SELENOF: variants seen among roughly 807,000 people sequenced by gnomAD.
The protein encoded by SELENOF is selenoprotein F.
A neutral mutation model predicts 20.5 loss-of-function variants in SELENOF; 16 were observed. The observed-to-expected ratio is 0.78, with a 90% confidence interval of 0.53 to 1.19. The LOEUF (loss-of-function observed/expected upper bound fraction) is 1.19, where lower values mean the gene tolerates loss of function less well. Among genes scored for constraint, SELENOF ranks in the 50% most tolerant of loss-of-function variants. SELENOF has a pLI of 0.00. For missense variants in SELENOF, 215 were observed against 194.2 expected (o/e 1.11, Z -0.64); for synonymous variants, 78 against 74.5 (o/e 1.05, Z -0.24).
chr1:86,886,321 G>A (rs916020064), intron 2 of SELENOF, among the ~76,000 whole-genome samples: 1 of 151,878 alleles, frequency 6.6e-6, no homozygotes, highest in African/African-American at 2.4e-5. Flanking sequence ...ATATTAATAG[G>A]GCAAAAATTG....
intron 3 of SELENOF, among the ~76,000 whole-genome samples, chr1:86,869,087 T>C (rs1658686755): frequency 6.6e-6 from 1 of 152,134 alleles, no homozygotes; most frequent in East Asian, 1.9e-4. Context: ...CAAAGAATAC[T>C]AAAGGTTAGA....
At chr1:86,911,427 C>T (rs1224022529) in intron 1 of SELENOF, among the ~76,000 whole-genome samples, 5 of 152,194 alleles carry the variant, frequency 3.3e-5, no homozygotes, top group Non-Finnish European at 1.5e-5. Context: ...CCTTTCTGCT[C>T]TCCTAATAGA....
Position 86,863,496 on chromosome 1 carries a change from C to T in SELENOF, c.476G>A (p.Ser159Asn). 1 of 1,612,236 alleles carries T rather than the reference C, an allele frequency of 6.2e-7. No individual in the cohort carries two copies. Among genetic ancestry groups the T allele is most frequent in the Non-Finnish European group, 8.5e-7 (1 of 1,179,296 alleles). Residue 159 changes from serine (S) to asparagine (N), a missense_variant, in exon 5 of 5, where the codon AGT (serine) becomes AAT (asparagine). Transcript: ENST00000331835. ...GATTTATATGCGTTCCAACTTTTCA[C>T]TCAGGAATTCTTCTACACTGTCTGT... ...WNTDSVEEFL[S>N]EKLERI
chr1:86,903,288 G>A lies in SELENOF; in HGVS notation c.245C>T (p.Thr82Ile), dbSNP rs769064402. The A allele has an allele frequency of 6.2e-7, 1 of 1,607,538 alleles. No individual in the cohort carries two copies. The highest frequency in any genetic ancestry group is 8.5e-7 in the Non-Finnish European group (1 of 1,177,614). ...GCCQEEAQFE[T>I]KKLYAGAILE... Reference sequence around the variant, plus strand: ...TATACTAGAAAACAGTACCTTTTTGGTTTCAAATTGTGCTTCCTCCTGACA... The same window carrying A: ...TATACTAGAAAACAGTACCTTTTTGATTTCAAATTGTGCTTCCTCCTGACA... Residue 82 changes from threonine (T) to isoleucine (I), a missense_variant, in exon 2 of 5, where the codon ACC becomes ATC. By Grantham distance (89) the Thr-to-Ile change is moderately conservative. Transcript: ENST00000331835.
intron 2 of SELENOF, 141 bp downstream of exon 2, chr1:86,903,140 C>T: frequency 1.5e-6 from 1 of 670,346 alleles, no homozygotes; most frequent in South Asian, 2.2e-5. Context: ...AACTAATAGG[C>T]CAGACAAGAA....
At chr1:86,881,676 A>C (rs926176846) in intron 2 of SELENOF, among the ~76,000 whole-genome samples, 4 of 152,222 alleles carry the variant, frequency 2.6e-5, no homozygotes, top group Non-Finnish European at 5.9e-5. Flanking sequence ...ATGTTTATTT[A>C]AAATAGTTTG....
intron 3 of SELENOF, among the ~76,000 whole-genome samples, chr1:86,876,146 T>C (rs1403094683): frequency 6.6e-6 from 1 of 151,244 alleles, no homozygotes; most frequent in Non-Finnish European, 1.5e-5. Context: ...TCCTTTTGGA[T>C]AAAGATGTTA....
intron 1 of SELENOF, chr1:86,913,678 G>A: frequency 4.3e-6 from 1 of 233,852 alleles, no homozygotes; most frequent in Non-Finnish European, 8.7e-6. Context: ...GTCTCGTCAT[G>A]AGTCTCTTGC....
chr1:86,886,923 A>G (rs1294485000), intron 2 of SELENOF, among the ~76,000 whole-genome samples: 1 of 152,186 alleles, frequency 6.6e-6, no homozygotes, highest in Admixed American at 6.5e-5. Context: ...TAAATGAGTC[A>G]CTTTTCCAAA....
At chr1:86,872,957 G>A (rs1658818328) in intron 3 of SELENOF, among the ~76,000 whole-genome samples, 1 of 152,032 alleles carries the variant, frequency 6.6e-6, no homozygotes, top group African/African-American at 2.4e-5. Flanking sequence ...GGAGAATGGC[G>A]TGAACCTGGG....
chr1:86,904,605 C>G (rs1659783627), intron 1 of SELENOF, among the ~76,000 whole-genome samples: 1 of 152,204 alleles, frequency 6.6e-6, no homozygotes, highest in African/African-American at 2.4e-5. Context: ...CCCTATGGTC[C>G]TAACTGCTCT....
At chr1:86,906,123 A>T (rs886225117) in intron 1 of SELENOF, among the ~76,000 whole-genome samples, 12 of 152,304 alleles carry the variant, frequency 7.9e-5, no homozygotes, top group South Asian at 2.1e-4. Context: ...TAATAATGTC[A>T]TATGTATAAT....
intron 4 of SELENOF, among the ~76,000 whole-genome samples, chr1:86,866,119 C>G (rs937898359): frequency 2.7e-5 from 4 of 149,014 alleles, no homozygotes; most frequent in Non-Finnish European, 4.4e-5. Context: ...ATTGCTTGAG[C>G]CTTAGAGGGT....
Position 86,887,159 on chromosome 1 carries a change from G to T in SELENOF, c.253-6434C>A, listed in dbSNP as rs529235772. On this transcript the variant is annotated intron_variant, in intron 2 of 4. Transcript: ENST00000331835. ...TTAATGACACTTTCATACTCACTTTGAGTGATGGCATTCTTGCTTAGAAAC... is the reference window on the plus strand; with the variant it reads ...TTAATGACACTTTCATACTCACTTTTAGTGATGGCATTCTTGCTTAGAAAC... 2.9e-5 allele frequency: 44 copies of T among 1,541,390 alleles called. 2 individuals are homozygous for T. In the East Asian group the frequency reaches 1.0e-3, roughly 35 times the overall value.
chr1:86,893,386 C>T (rs907693403), intron 2 of SELENOF, among the ~76,000 whole-genome samples: 6 of 148,702 alleles, frequency 4.0e-5, no homozygotes, highest in African/African-American at 1.5e-4. Context: ...GGGTGGATCA[C>T]GAAGTCAGGA....
In SELENOF at chr1:86,868,107, T is replaced by TA. The variant is rs745576534; in HGVS notation, c.317-6dup. The TA allele has an allele frequency of 1.3e-5, 19 of 1,454,174 alleles. No homozygotes were observed. The highest frequency in any genetic ancestry group is 2.6e-5 in the South Asian group (2 of 75,830). The allele number at this position is 1,454,174 out of a possible 1,614,324, so 90.1% of individuals were successfully genotyped here. A position where few individuals can be genotyped will look rare whatever the true frequency, so the allele number is the denominator to read the frequency against. ...GTTTATCACTCCTAACAAAAGCTTATAAAAAAAGAAAAAAAGATTCAGTAG... is the reference window on the plus strand; with the variant it reads ...GTTTATCACTCCTAACAAAAGCTTATAAAAAAAAGAAAAAAAGATTCAGTAG... On this transcript the variant is annotated splice_polypyrimidine_tract_variant and splice_region_variant and intron_variant, in intron 3 of 4. Transcript: ENST00000331835.
intron 3 of SELENOF, among the ~76,000 whole-genome samples, chr1:86,878,482 C>A (rs1184699331): frequency 6.6e-6 from 1 of 152,114 alleles, no homozygotes; most frequent in Non-Finnish European, 1.5e-5. Context: ...GAGTTCGAGA[C>A]CAGCCTGGCC....
At position 86,888,044 on chromosome 1, in the gene SELENOF, T is replaced by C. The variant is rs1237522934; in HGVS notation, c.253-7319A>G. On this transcript the variant is annotated intron_variant, in intron 2 of 4. Transcript: ENST00000331835. ...GGGAGGCCGAGGTGGGCTGATCACC[T>C]GAGGTCAGGAGTTCCAGACCAGCCT... 2.0e-5 allele frequency among the ~76,000 whole-genome samples: 3 copies of C among 152,298 alleles called. No individual in the cohort carries two copies. The East Asian group carries it at 5.8e-4, about 29-fold the overall frequency.
intron 2 of SELENOF, among the ~76,000 whole-genome samples, chr1:86,889,837 TA>T: frequency 6.6e-6 from 1 of 152,328 alleles, no homozygotes; most frequent in South Asian, 2.1e-4. Context: ...TAAATAAATT[TA>T]TTGCCTAAAT....
Sources: allele counts gnomAD v4.1 joint callset (sites outside exome capture counted in the v4.1 genomes callset), GRCh38; gene constraint gnomAD v4.1.1; transcripts MANE v1.5; gene names NCBI Gene and HGNC (gene_info 2026-07-23, HGNC 2026-07-21).